CHODL: variants seen among roughly 807,000 people sequenced by gnomAD.
The protein encoded by CHODL is chondrolectin.
Under a neutral mutation model 34.5 loss-of-function variants are expected in CHODL, and 29 were observed. That is an observed-to-expected ratio of 0.84 (90% CI 0.63 to 1.15). CHODL has a LOEUF of 1.15. Among genes scored for constraint, CHODL ranks in the 50% most tolerant of loss-of-function variants. The pLI is 0.00. For missense variants in CHODL, 332 were observed against 332.5 expected, an observed-to-expected ratio of 1.00 and a Z score of 0.01; for synonymous variants, 125 against 116.1, an observed-to-expected ratio of 1.08 and a Z score of -0.49.
intron 2 of CHODL, among the ~76,000 whole-genome samples, chr21:18,134,031 C>A (rs144790265): frequency 2.8e-4 from 43 of 152,276 alleles, no homozygotes; most frequent in African/African-American, 1.0e-3. Flanking sequence ...AGAGATATAT[C>A]TGAGCAATTT....
chr21:18,103,500 C>T (rs536307355), intron 2 of CHODL, among the ~76,000 whole-genome samples: 47 of 152,210 alleles, frequency 3.1e-4, no homozygotes, highest in African/African-American at 9.9e-4. Context: ...ACCATGATTT[C>T]GTTACATTTC....
chr21:18,148,599 A>G (rs909278680), intron 2 of CHODL, among the ~76,000 whole-genome samples: 1 of 152,202 alleles, frequency 6.6e-6, no homozygotes, highest in Non-Finnish European at 1.5e-5. Flanking sequence ...GTGAGGTCAC[A>G]TAAGCCAGCC....
chr21:18,085,363 T>C (rs564815196), intron 2 of CHODL, among the ~76,000 whole-genome samples: 2 of 152,308 alleles, frequency 1.3e-5, no homozygotes, highest in East Asian at 3.9e-4. Flanking sequence ...TTCATTTCTT[T>C]TTTCTGTCTT....
chr21:18,174,133 A>ATATATATATATATATCTTTG (rs2073268927), intron 2 of CHODL, among the ~76,000 whole-genome samples: 1 of 17,848 alleles, frequency 5.6e-5, no homozygotes, highest in Non-Finnish European at 2.6e-4. Flanking sequence ...GTATATATAT[A>ATATATATATATATATCTTTG]TATATATATA....
rs144133641 is a variant in CHODL at position 17,983,387 on chromosome 21, A to G, written c.-144-44485A>G. 4.3e-3 allele frequency among the ~76,000 whole-genome samples: 661 copies of G among 152,338 alleles called. 20 individuals carry two copies. The highest frequency in any genetic ancestry group is 0.04 in the Admixed American group (611 of 15,294). Reference sequence around the variant, plus strand: ...GTGACCTTGGTGATTTCTTCGGGATACAGTTCTAAAAATGGTATTTTTCTA... The same window carrying G: ...GTGACCTTGGTGATTTCTTCGGGATGCAGTTCTAAAAATGGTATTTTTCTA... On this transcript the variant is annotated intron_variant, in intron 1 of 6. Transcript: ENST00000400127.
chr21:17,997,663 A>G (rs988243382), intron 1 of CHODL, among the ~76,000 whole-genome samples: 3 of 152,202 alleles, frequency 2.0e-5, no homozygotes. Flanking sequence ...CACTTCTTAC[A>G]TGGTGGTGGC....
chr21:18,040,641 T>C (rs2064363760), intron 2 of CHODL, among the ~76,000 whole-genome samples: 1 of 151,852 alleles, frequency 6.6e-6, no homozygotes, highest in Admixed American at 6.6e-5. Flanking sequence ...TTTTACACTA[T>C]TGCTCTAAGC....
At chr21:18,090,511 A>G (rs562662092) in intron 2 of CHODL, among the ~76,000 whole-genome samples, 3 of 152,328 alleles carry the variant, frequency 2.0e-5, no homozygotes, top group African/African-American at 7.2e-5. Flanking sequence ...GATAACTTAA[A>G]AAATATTTCA....
At chr21:18,156,970 A>G (rs2073042115) in intron 2 of CHODL, among the ~76,000 whole-genome samples, 1 of 152,168 alleles carries the variant, frequency 6.6e-6, no homozygotes, top group Non-Finnish European at 1.5e-5. Flanking sequence ...GCCCTCTCTG[A>G]GTGGCTTAAG....
intron 1 of CHODL, among the ~76,000 whole-genome samples, chr21:18,248,800 GTATATATGTATGTATAT>G (rs1240682455): frequency 1.7e-5 from 2 of 116,160 alleles, no homozygotes; most frequent in Non-Finnish European, 3.2e-5. Flanking sequence ...GTATATGTGT[GTATATATGTATGTATAT>G]TATATATGTA....
intron 2 of CHODL, among the ~76,000 whole-genome samples, chr21:18,049,731 C>T (rs1335422210): frequency 6.6e-6 from 1 of 151,964 alleles, no homozygotes; most frequent in African/African-American, 2.4e-5. Context: ...CTTATAAGAA[C>T]ATCAGTCGGA....
chr21:17,950,407 A>G (rs2063446496), intron 1 of CHODL, among the ~76,000 whole-genome samples: 1 of 151,992 alleles, frequency 6.6e-6, no homozygotes. Flanking sequence ...AAATAGACAT[A>G]TTACAGAGAT....
chr21:18,101,833 T>C (rs1735295), intron 2 of CHODL, among the ~76,000 whole-genome samples: 55,139 of 151,684 alleles, frequency 0.36, 11,921 homozygotes, highest in Non-Finnish European at 0.51. Context: ...GAGAAATATA[T>C]ATTTAGTTTC....
At chr21:17,960,920 T>C (rs1035318341) in intron 1 of CHODL, among the ~76,000 whole-genome samples, 2 of 152,230 alleles carry the variant, frequency 1.3e-5, no homozygotes, top group African/African-American at 4.8e-5. Flanking sequence ...CTCTGCTGTG[T>C]TTACTTCTCA....
chr21:18,231,009 C>T (rs2073973385), intron 2 of CHODL, among the ~76,000 whole-genome samples: 1 of 151,970 alleles, frequency 6.6e-6, no homozygotes. Flanking sequence ...GAATTTGATT[C>T]AATTCAACCA....
chr21:18,097,385 T>TA (rs2065152824), intron 2 of CHODL, among the ~76,000 whole-genome samples: 1 of 152,030 alleles, frequency 6.6e-6, no homozygotes, highest in Non-Finnish European at 1.5e-5. Context: ...TTGCAGGATA[T>TA]AAAATCAATA....
intron 1 of CHODL, among the ~76,000 whole-genome samples, chr21:17,937,694 T>C (rs914387125): frequency 2.0e-5 from 3 of 152,238 alleles, no homozygotes; most frequent in African/African-American, 4.8e-5. Context: ...CTTTATAAAC[T>C]ATGATATTAA....
chr21:18,117,067 G>T (rs963011736), intron 2 of CHODL, among the ~76,000 whole-genome samples: 1 of 152,166 alleles, frequency 6.6e-6, no homozygotes, highest in Non-Finnish European at 1.5e-5. Flanking sequence ...ACCTGATCAG[G>T]TTATAGCGGT....
chr21:17,956,821 A>T (rs2063496772), intron 1 of CHODL, among the ~76,000 whole-genome samples: 1 of 140,372 alleles, frequency 7.1e-6, no homozygotes, highest in Non-Finnish European at 1.6e-5. Context: ...ACCCAAGAAC[A>T]TAGTTGCAAA....
Sources: allele counts gnomAD v4.1 joint callset (sites outside exome capture counted in the v4.1 genomes callset), GRCh38; gene constraint gnomAD v4.1.1; transcripts MANE v1.5; gene names NCBI Gene and HGNC (gene_info 2026-07-23, HGNC 2026-07-21).